The following SETBP1 variants were observed in gnomAD, a reference collection of about 807,000 sequenced individuals.
SETBP1 encodes SET binding protein 1, also known as SET-binding protein.
SETBP1 carries 9 observed loss-of-function variants against 101.0 expected under a neutral mutation model. The ratio of observed to expected loss-of-function variants is 0.09; its 90% CI spans 0.05 to 0.16. The LOEUF (loss-of-function observed/expected upper bound fraction) is 0.16, where lower values mean the gene tolerates loss of function less well. SETBP1 is among the 10% of genes least tolerant of loss of function. The pLI, the probability that SETBP1 is intolerant of heterozygous loss-of-function variation, is 1.00. For missense variants in SETBP1, 1,858 were observed against 2,033.8 expected (o/e 0.91, Z 1.66); for synonymous variants, 818 against 788.5 (o/e 1.04, Z -0.63).
At chr18:45,042,115 T>G (rs2073520331) in intron 5 of SETBP1, among the ~76,000 whole-genome samples, 1 of 149,892 alleles carries the variant, frequency 6.7e-6, no homozygotes, top group Admixed American at 6.6e-5. Context: ...GTGAGAGACA[T>G]CTGAGAAAAA....
chr18:44,985,483 C>A (rs2072211456), intron 4 of SETBP1, among the ~76,000 whole-genome samples: 1 of 152,142 alleles, frequency 6.6e-6, no homozygotes, highest in South Asian at 2.1e-4. Flanking sequence ...GGGCTTAATA[C>A]ACTTATTAAT....
chr18:44,770,667 G>A (rs1322912747), intron 2 of SETBP1, among the ~76,000 whole-genome samples: 4 of 152,156 alleles, frequency 2.6e-5, no homozygotes, highest in Non-Finnish European at 5.9e-5. Context: ...AAAAGATTTA[G>A]CGCCATTCCT....
At chr18:44,972,279 C>G (rs1391620141) in intron 4 of SETBP1, among the ~76,000 whole-genome samples, 1 of 152,126 alleles carries the variant, frequency 6.6e-6, no homozygotes, top group Non-Finnish European at 1.5e-5. Context: ...GTTACTGTAG[C>G]CTTGCAGTAT....
intron 3 of SETBP1, among the ~76,000 whole-genome samples, chr18:44,945,859 A>C (rs2145070784): frequency 6.6e-6 from 1 of 152,288 alleles, no homozygotes; most frequent in African/African-American, 2.4e-5. Flanking sequence ...GCCCGATAAG[A>C]TATCATCTCC....
chr18:44,989,738 G>A (rs1176753307), intron 4 of SETBP1, among the ~76,000 whole-genome samples: 2 of 150,414 alleles, frequency 1.3e-5, no homozygotes, highest in Non-Finnish European at 3.0e-5. Context: ...GCATAGTGGC[G>A]GGCCCCTGTA....
intron 2 of SETBP1, among the ~76,000 whole-genome samples, chr18:44,713,339 G>T (rs1054702325): frequency 1.3e-5 from 2 of 150,166 alleles, no homozygotes; most frequent in African/African-American, 2.5e-5. Context: ...AGGCCTTCAC[G>T]GGGGGGGACG....
chr18:44,702,620 T>G (rs2069136382), intron 2 of SETBP1, among the ~76,000 whole-genome samples: 1 of 152,198 alleles, frequency 6.6e-6, no homozygotes, highest in Non-Finnish European at 1.5e-5. Context: ...AGTGAGATAT[T>G]AAAAAATTTG....
chr18:45,003,694 A>G (rs1040504260), intron 4 of SETBP1, among the ~76,000 whole-genome samples: 5 of 152,172 alleles, frequency 3.3e-5, no homozygotes, highest in African/African-American at 9.7e-5. Flanking sequence ...TGGGAAAAAA[A>G]AAAAAAAAAC....
chr18:44,871,306 C>G (rs1190269651), intron 3 of SETBP1: 1 of 152,232 alleles, frequency 6.6e-6, no homozygotes, highest in Non-Finnish European at 1.5e-5. Context: ...GCACTGCCCC[C>G]TCCAGCCCCA....
intron 4 of SETBP1, among the ~76,000 whole-genome samples, chr18:44,978,643 A>C (rs565267004): frequency 6.6e-6 from 1 of 152,222 alleles, no homozygotes; most frequent in South Asian, 2.1e-4. Context: ...CTGAATGTCA[A>C]AATGGAAGCT....
intron 4 of SETBP1, among the ~76,000 whole-genome samples, chr18:44,958,363 C>T (rs756791432): frequency 2.9e-4 from 44 of 152,110 alleles, no homozygotes; most frequent in African/African-American, 2.9e-4. Flanking sequence ...TTCTCCTTTG[C>T]GAAAGGTAGA....
At chr18:44,899,590 G>A (rs1943169871) in intron 3 of SETBP1, among the ~76,000 whole-genome samples, 1 of 152,124 alleles carries the variant, frequency 6.6e-6, no homozygotes, top group Non-Finnish European at 1.5e-5. Flanking sequence ...CAGTAATGAA[G>A]GGCCCACACT....
At chr18:44,739,884 G>T (rs1271256305) in intron 2 of SETBP1, among the ~76,000 whole-genome samples, 1 of 152,098 alleles carries the variant, frequency 6.6e-6, no homozygotes, top group East Asian at 1.9e-4. Flanking sequence ...GAAGTGGAGG[G>T]GTTCCCATGT....
In SETBP1 at chr18:45,061,545, CA is replaced by C. The variant is rs2073891075; in HGVS notation, c.4172-1530del. On this transcript the variant is annotated intron_variant, in intron 5 of 5. Transcript: ENST00000649279. ...TCGGTCAGTCTCACTGACCTTTGGC[CA>C]AAAGCTGTAACATTTTGACCTGGCC... Among the ~76,000 whole-genome samples, 11 of 152,264 alleles carry C rather than the reference CA, an allele frequency of 7.2e-5. No homozygotes were observed. In the South Asian group the frequency reaches 2.3e-3, roughly 32 times the overall value.
intron 3 of SETBP1, among the ~76,000 whole-genome samples, chr18:44,883,735 C>A (rs770558570): frequency 3.9e-5 from 6 of 152,168 alleles, no homozygotes; most frequent in Non-Finnish European, 8.8e-5. Flanking sequence ...TAATTAACTC[C>A]ATTTTACAAA....
At chr18:44,945,138 A>G (rs1045342700) in intron 3 of SETBP1, among the ~76,000 whole-genome samples, 5 of 152,156 alleles carry the variant, frequency 3.3e-5, no homozygotes, top group Non-Finnish European at 2.9e-5. Context: ...TCCTAATGCT[A>G]TCCCTCCGCT....
chr18:44,809,427 A>G (rs1356581206), intron 2 of SETBP1, among the ~76,000 whole-genome samples: 1 of 152,194 alleles, frequency 6.6e-6, no homozygotes, highest in Non-Finnish European at 1.5e-5. Context: ...GAGAAGAGTA[A>G]TGTGTACATT....
rs556725043 is a variant in SETBP1, at chr18:44,932,452, G to A, written c.541-17429G>A. Among the ~76,000 whole-genome samples the A allele has an allele frequency of 7.9e-5, 12 of 152,250 alleles. No homozygotes were observed. In the South Asian group the frequency reaches 1.0e-3, roughly 13 times the overall value. ...TCTTCTCGAGGAGGATCTTTGTGGC[G>A]TTCTCTGTATTTCCTGAATTTGAAT... On this transcript the variant is annotated intron_variant, in intron 3 of 5. Coordinates refer to ENST00000649279, the MANE Select transcript of SETBP1 (RefSeq NM_015559.3).
chr18:44,893,893 C>T (rs551763563), intron 3 of SETBP1, among the ~76,000 whole-genome samples: 1 of 152,202 alleles, frequency 6.6e-6, no homozygotes, highest in South Asian at 2.1e-4. Flanking sequence ...ACGGTCAAAA[C>T]AGTTTGAGAG....
Sources: allele counts gnomAD v4.1 joint callset (sites outside exome capture counted in the v4.1 genomes callset), GRCh38; gene constraint gnomAD v4.1.1; transcripts MANE v1.5; gene names NCBI Gene and HGNC (gene_info 2026-07-23, HGNC 2026-07-21).